The following SPACA7 variants were observed in gnomAD, a reference collection of about 807,000 sequenced individuals.
The protein encoded by SPACA7 is sperm acrosome associated 7.
A neutral mutation model predicts 26.3 loss-of-function variants in SPACA7; 19 were observed. That is an observed-to-expected ratio of 0.72 (90% CI 0.50 to 1.06). The LOEUF is 1.06. Among genes scored for constraint, SPACA7 ranks in the 50% least tolerant of loss-of-function variants. SPACA7 has a pLI of 0.00. For synonymous variants in SPACA7, 84 were observed against 84.5 expected (o/e 0.99, Z 0.04); for missense variants, 211 against 229.9 (o/e 0.92, Z 0.53).
In SPACA7 at chr13:112,406,936, A is replaced by G. The variant is rs1337635646; in HGVS notation, c.445+5772A>G. Among the ~76,000 whole-genome samples, 3 of 152,162 alleles carry G rather than the reference A, an allele frequency of 2.0e-5. No individual in the cohort carries two copies. The East Asian group carries it at 5.8e-4, about 29-fold the overall frequency. On this transcript the variant is annotated intron_variant, in intron 5 of 6. Coordinates refer to ENST00000283550, the MANE Select transcript of SPACA7 (RefSeq NM_145248.5). The stretch of plus-strand genomic sequence containing the variant: ...TACATTCTTCTCAGCACCACATCAC[A>G]CTTATTCCAAAATTGACCACATAGT...
At chr13:112,386,239 T>C (rs1431570328) in intron 1 of SPACA7, among the ~76,000 whole-genome samples, 1 of 152,192 alleles carries the variant, frequency 6.6e-6, no homozygotes, top group Admixed American at 6.5e-5. Context: ...CCCAAGAGCA[T>C]GCATCTCTGA....
intron 6 of SPACA7, among the ~76,000 whole-genome samples, chr13:112,433,498 G>A (rs1296102743): frequency 6.6e-6 from 1 of 151,290 alleles, no homozygotes; most frequent in East Asian, 2.0e-4. Flanking sequence ...AAAGCATTGG[G>A]GTTCTGACTT....
At chr13:112,392,089 T>G (rs1733924225) in intron 1 of SPACA7, among the ~76,000 whole-genome samples, 1 of 152,192 alleles carries the variant, frequency 6.6e-6, no homozygotes, top group African/African-American at 2.4e-5. Context: ...AGGGAAGGTG[T>G]GTGGCCCTGC....
At chr13:112,397,960 ACT>A (rs1885387223) in intron 2 of SPACA7, 87 bp from the exon 3 acceptor site, 1 of 729,198 alleles carries the variant, frequency 1.4e-6, no homozygotes, top group African/African-American at 1.7e-5. Flanking sequence ...GTGTACATTC[ACT>A]GTGTGTACAG....
rs1486775737 is a variant in SPACA7, at chr13:112,382,355, C to T, written c.94+5876C>T. On this transcript the variant is annotated intron_variant, in intron 1 of 6. Coordinates refer to ENST00000283550, the MANE Select transcript of SPACA7 (RefSeq NM_145248.5). ...CCTCATGGTCCGCCCGCCTCAGCCT[C>T]CCAAAGTGCTGGGACTACAGGCATG... 2.7e-6 allele frequency: 4 copies of T among 1,463,878 alleles called. No individual in the cohort carries two copies. The African/African-American group carries it at 5.7e-5, about 21-fold the overall frequency. The allele number at this position is 1,463,878 out of a possible 1,614,324, so 90.7% of individuals were successfully genotyped here.
At chr13:112,410,324 C>A (rs1457383261) in intron 5 of SPACA7, among the ~76,000 whole-genome samples, 3 of 151,756 alleles carry the variant, frequency 2.0e-5, no homozygotes, top group Admixed American at 6.6e-5. Context: ...ATGTAACAAA[C>A]CTGCATATTG....
At chr13:112,417,429 G>A (rs1309773851) in intron 5 of SPACA7, among the ~76,000 whole-genome samples, 1 of 151,876 alleles carries the variant, frequency 6.6e-6, no homozygotes, top group African/African-American at 2.4e-5. Context: ...GAAAAATACT[G>A]ATCCTTTAGT....
chr13:112,393,748 G>C (rs1260409500), intron 2 of SPACA7, among the ~76,000 whole-genome samples: 3 of 152,174 alleles, frequency 2.0e-5, no homozygotes, highest in African/African-American at 7.2e-5. Context: ...AGACACAGAT[G>C]AGGCCAAAGC....
At chr13:112,422,895 A>T (rs554075584) in intron 5 of SPACA7, among the ~76,000 whole-genome samples, 59 of 152,316 alleles carry the variant, frequency 3.9e-4, no homozygotes, top group Non-Finnish European at 6.3e-4. Context: ...CTAACATCAG[A>T]ATTTTCTGAA....
At chr13:112,412,073 T>C (rs1886388591) in intron 5 of SPACA7, among the ~76,000 whole-genome samples, 1 of 152,146 alleles carries the variant, frequency 6.6e-6, no homozygotes, top group South Asian at 2.1e-4. Flanking sequence ...CCACCAACAA[T>C]GTACAAGGAT....
At chr13:112,378,962 C>CA (rs1252520677) in intron 1 of SPACA7, among the ~76,000 whole-genome samples, 1 of 152,046 alleles carries the variant, frequency 6.6e-6, no homozygotes, top group Non-Finnish European at 1.5e-5. Context: ...TCAGGTGGGA[C>CA]AAAAAATATA....
intron 5 of SPACA7, among the ~76,000 whole-genome samples, chr13:112,428,591 C>T (rs1876767276): frequency 6.6e-6 from 1 of 151,788 alleles, no homozygotes; most frequent in Admixed American, 6.6e-5. Context: ...AAAAATAAAA[C>T]AAAAACAAAA....
In SPACA7 at chr13:112,386,482, CT is replaced by C. The variant is rs536455764; in HGVS notation, c.95-6532del. 2.2e-3 allele frequency among the ~76,000 whole-genome samples: 335 copies of C among 152,124 alleles called. 2 individuals carry two copies. Among genetic ancestry groups the C allele is most frequent in the African/African-American group, 7.7e-3 (318 of 41,512 alleles). On this transcript the variant is annotated intron_variant, in intron 1 of 6. Transcript: ENST00000283550. ...TGGGGTTTCATGAGGAAAACAGAGT[CT>C]TTTTTTGTTTGTTTTTTGGTGTTTG...
At chr13:112,383,118 AAGAAAAGAAAGAAAGAAAGAAAGAAAG>A (rs1884242921) in intron 1 of SPACA7, among the ~76,000 whole-genome samples, 1 of 10,930 alleles carries the variant, frequency 9.1e-5, no homozygotes, top group Non-Finnish European at 2.1e-4. Flanking sequence ...AAGAAAAGAA[AAGAAAAGAAAGAAAGAAAGAAAGAAAG>A]AAAGAAAGAA....
At chr13:112,429,012 T>A (rs183643511) in intron 5 of SPACA7, among the ~76,000 whole-genome samples, 3 of 152,372 alleles carry the variant, frequency 2.0e-5, no homozygotes, top group Non-Finnish European at 4.4e-5. Flanking sequence ...GTTTCCTTCA[T>A]GTACTTTGAA....
In SPACA7 at chr13:112,434,486, A is replaced by C; in HGVS notation, c.525A>C (p.Gly175=). ...TCAAAATCTCCTCTTTCCACACAGGAAACATTTTCCATAAAGAGCAGCAGA... is the reference window on the plus strand; with the variant it reads ...TCAAAATCTCCTCTTTCCACACAGGCAACATTTTCCATAAAGAGCAGCAGA... ...QILQNIGRSS[G]NIFHKEQQRT... is the part of the protein sequence containing the mutation. Residue 175 remains glycine, a splice_region_variant and synonymous_variant, in exon 7 of 7, where the codon GGA becomes GGC. Coordinates refer to ENST00000283550, the MANE Select transcript of SPACA7 (RefSeq NM_145248.5). 1.9e-6 allele frequency: 3 copies of C among 1,609,206 alleles called. No individual in the cohort carries two copies. The highest frequency in any genetic ancestry group is 2.5e-6 in the Non-Finnish European group (3 of 1,177,812).
intron 5 of SPACA7, among the ~76,000 whole-genome samples, chr13:112,428,130 C>T (rs1432366569): frequency 6.6e-6 from 1 of 152,186 alleles, no homozygotes; most frequent in East Asian, 1.9e-4. Context: ...TGAGACTTCT[C>T]ATGTTTTCTA....
intron 5 of SPACA7, among the ~76,000 whole-genome samples, chr13:112,421,225 C>CAAAAAA (rs59236283): frequency 4.6e-5 from 4 of 86,824 alleles, no homozygotes; most frequent in African/African-American, 1.5e-4. Context: ...AAGAAACATG[C>CAAAAAA]AAAAAAAAAA....
At chr13:112,409,224 T>C (rs1331098780) in intron 5 of SPACA7, among the ~76,000 whole-genome samples, 1 of 152,158 alleles carries the variant, frequency 6.6e-6, no homozygotes, top group Non-Finnish European at 1.5e-5. Context: ...TCAAGATGGA[T>C]TAAAGACTTA....
Sources: gnomAD v4.1 joint callset for allele counts (sites outside exome capture counted in the v4.1 genomes callset) on GRCh38, gnomAD v4.1.1 for gene constraint, MANE v1.5 for transcripts, NCBI Gene and HGNC (gene_info 2026-07-23, HGNC 2026-07-21) for gene names.